DPP6: variants seen among roughly 807,000 people sequenced by gnomAD.
The protein encoded by DPP6 is A-type potassium channel modulatory protein DPP6.
DPP6 carries 69 observed loss-of-function variants against 122.6 expected under a neutral mutation model. That is an observed-to-expected ratio of 0.56 (90% confidence interval 0.46 to 0.69). The LOEUF is 0.69. DPP6 is among the 30% of genes least tolerant of loss of function. DPP6 has a pLI of 0.00. For synonymous variants in DPP6, 418 were observed against 433.1 expected (o/e 0.97, Z 0.43); for missense variants, 928 against 1,116.9 (o/e 0.83, Z 2.41).
upstream of DPP6, among the ~76,000 whole-genome samples, chr7:154,051,443 G>C (rs919085194): frequency 2.0e-5 from 3 of 151,156 alleles, no homozygotes; most frequent in African/African-American, 7.3e-5. Flanking sequence ...GAGGACGCGG[G>C]AGGGCCGGGA....
At chr7:154,268,296 G>A (rs901998534) in intron 1 of DPP6, among the ~76,000 whole-genome samples, 3 of 152,222 alleles carry the variant, frequency 2.0e-5, no homozygotes, top group South Asian at 2.1e-4. Flanking sequence ...ACAAAATACC[G>A]TAAACTGGGT....
At chr7:154,321,699 C>T (rs1424639781) in intron 1 of DPP6, among the ~76,000 whole-genome samples, 11 of 148,782 alleles carry the variant, frequency 7.4e-5, no homozygotes, top group African/African-American at 1.2e-4. Context: ...GCAGGAGGAT[C>T]GCTTGAACCC....
At chr7:153,904,299 G>T (rs1392134774) in intron 1 of DPP6, among the ~76,000 whole-genome samples, 1 of 152,152 alleles carries the variant, frequency 6.6e-6, no homozygotes, top group South Asian at 2.1e-4. Context: ...TGATATGCCC[G>T]CCTCAGCCTC....
At chr7:154,311,863 A>C (rs1053596859) in intron 1 of DPP6, among the ~76,000 whole-genome samples, 3 of 152,150 alleles carry the variant, frequency 2.0e-5, no homozygotes, top group Non-Finnish European at 2.9e-5. Context: ...GGCCTTGCTA[A>C]ATGACTGAGA....
intron 1 of DPP6, among the ~76,000 whole-genome samples, chr7:154,348,090 C>T (rs1004387058): frequency 6.6e-6 from 1 of 152,016 alleles, no homozygotes; most frequent in African/African-American, 2.4e-5. Flanking sequence ...CAGCTCCCAC[C>T]CCCACCTCCT....
intron 1 of DPP6, among the ~76,000 whole-genome samples, chr7:154,080,610 G>T (rs1449296345): frequency 4.6e-5 from 7 of 152,138 alleles, no homozygotes; most frequent in African/African-American, 1.7e-4. Flanking sequence ...GGGAGTAAGA[G>T]TGCAGAGATC....
intron 7 of DPP6, among the ~76,000 whole-genome samples, chr7:154,718,247 T>C (rs1841602335): frequency 6.6e-6 from 1 of 152,050 alleles, no homozygotes; most frequent in Non-Finnish European, 1.5e-5. Context: ...TGAAGCTTTT[T>C]AGTTTACTGT....
chr7:154,762,722 G>A (rs867791094), intron 8 of DPP6, among the ~76,000 whole-genome samples: 3 of 152,206 alleles, frequency 2.0e-5, no homozygotes, highest in Admixed American at 6.5e-5. Flanking sequence ...CAAGGGCTCC[G>A]CCATCTCTCC....
chr7:153,939,363 G>A (rs911415234), intron 1 of DPP6, among the ~76,000 whole-genome samples: 2 of 152,206 alleles, frequency 1.3e-5, no homozygotes, highest in African/African-American at 4.8e-5. Context: ...ATATTGTTAA[G>A]TGCCTGCTCT....
At chr7:154,527,358 C>T (rs1355872766) in intron 3 of DPP6, among the ~76,000 whole-genome samples, 1 of 152,158 alleles carries the variant, frequency 6.6e-6, no homozygotes, top group Admixed American at 6.5e-5. Flanking sequence ...TAGCCATTTA[C>T]AGAGAGAATC....
At chr7:154,326,765 A>G (rs775783244) in intron 1 of DPP6, among the ~76,000 whole-genome samples, 11 of 152,256 alleles carry the variant, frequency 7.2e-5, no homozygotes, top group African/African-American at 1.9e-4. Flanking sequence ...TAGCTGTTCA[A>G]TGCTAATTCA....
At chr7:153,923,703 G>C (rs573808813) in intron 1 of DPP6, among the ~76,000 whole-genome samples, 1 of 146,232 alleles carries the variant, frequency 6.8e-6, no homozygotes, top group East Asian at 2.1e-4. Flanking sequence ...ACAGCTTGCA[G>C]TGAGCTGAGA....
the DPP6 span, among the ~76,000 whole-genome samples, chr7:153,822,230 C>G: frequency 7.3e-6 from 1 of 137,776 alleles, no homozygotes; most frequent in African/African-American, 2.8e-5. Context: ...CGCACTGTCC[C>G]CCAGGCTGGA....
At chr7:154,364,777 G>T (rs190946115) in intron 1 of DPP6, among the ~76,000 whole-genome samples, 2 of 152,186 alleles carry the variant, frequency 1.3e-5, no homozygotes, top group East Asian at 3.9e-4. Flanking sequence ...AGATTGACTT[G>T]ATGTCTTAAC....
chr7:154,133,456 TC>T (rs1320993616), intron 1 of DPP6, among the ~76,000 whole-genome samples: 2 of 152,102 alleles, frequency 1.3e-5, no homozygotes, highest in Non-Finnish European at 2.9e-5. Flanking sequence ...AGGCTGCCCA[TC>T]CTCAGGGCTC....
At chr7:154,153,715 A>G (rs566276623) in intron 1 of DPP6, among the ~76,000 whole-genome samples, 9 of 152,396 alleles carry the variant, frequency 5.9e-5, no homozygotes, top group African/African-American at 2.2e-4. Context: ...TCCAGGACCT[A>G]CAGTTTTCCT....
chr7:154,816,843 G>A (rs79973567), intron 16 of DPP6, among the ~76,000 whole-genome samples: 311 of 152,276 alleles, frequency 2.0e-3, no homozygotes, highest in Admixed American at 5.5e-3. Context: ...AATTCCAGAA[G>A]CGGCCATGGA....
chr7:154,521,434 G>A lies in DPP6; in HGVS notation c.458-19098G>A, dbSNP rs539016604. On this transcript the variant is annotated intron_variant, in intron 3 of 25. Coordinates refer to ENST00000377770, the MANE Select transcript of DPP6 (RefSeq NM_130797.4). ...TATTAAATACAGAAAGAGGGCCTTCGTTGTTTCAGTGGGGTTTCAGTGTAT... is the reference window on the plus strand; with the variant it reads ...TATTAAATACAGAAAGAGGGCCTTCATTGTTTCAGTGGGGTTTCAGTGTAT... Among the ~76,000 whole-genome samples the A allele has an allele frequency of 1.7e-4, 25 of 151,140 alleles. No homozygotes were observed. The South Asian group carries it at 2.5e-3, about 15-fold the overall frequency.
At position 154,486,537 on chromosome 7, in the gene DPP6, T is replaced by C. The variant is rs1169105457; in HGVS notation, c.457+11500T>C. 6.6e-6 allele frequency among the ~76,000 whole-genome samples: 1 copy of C among 152,236 alleles called. No individual in the cohort carries two copies. Among genetic ancestry groups the C allele is most frequent in the Non-Finnish European group, 1.5e-5 (1 of 68,042 alleles). Reference sequence around the variant, plus strand: ...TGAAAATACCGTTGCTCATCACTTCTCTGCTTCAGAAAGTCTCATTAATCC... The same window carrying C: ...TGAAAATACCGTTGCTCATCACTTCCCTGCTTCAGAAAGTCTCATTAATCC... On this transcript the variant is annotated intron_variant, in intron 3 of 25. Transcript: ENST00000377770. The surrounding 1 kb of genome is among the most constrained non-coding windows in gnomAD (Gnocchi z 4.5).
Sources: allele counts gnomAD v4.1 joint callset (sites outside exome capture counted in the v4.1 genomes callset), GRCh38; gene constraint gnomAD v4.1.1; non-coding constraint Gnocchi (gnomAD v3.1); transcripts MANE v1.5; gene names NCBI Gene and HGNC (gene_info 2026-07-23, HGNC 2026-07-21).